The following CNTNAP5 variants were observed in gnomAD, a reference collection of about 807,000 sequenced individuals.
CNTNAP5 encodes the protein contactin-associated protein-like 5.
Under a neutral mutation model 150.2 loss-of-function variants are expected in CNTNAP5, and 72 were observed. The ratio of observed to expected loss-of-function variants is 0.48; its 90% CI spans 0.40 to 0.58. The LOEUF is 0.58. Among genes scored for constraint, CNTNAP5 ranks in the 20% least tolerant of loss-of-function variants. CNTNAP5 has a pLI of 0.00. For synonymous variants in CNTNAP5, 672 were observed against 619.8 expected, an observed-to-expected ratio of 1.08 and a Z score of -1.25; for missense variants, 1,636 against 1,626.2, an observed-to-expected ratio of 1.01 and a Z score of -0.10.
At chr2:124,095,223 T>C (rs1016553177) in intron 1 of CNTNAP5, among the ~76,000 whole-genome samples, 3 of 152,082 alleles carry the variant, frequency 2.0e-5, no homozygotes, top group East Asian at 3.9e-4. Context: ...AAACCATCCT[T>C]CTCAGCAAAC....
At chr2:124,814,151 G>T (rs1193447899) in intron 19 of CNTNAP5, among the ~76,000 whole-genome samples, 1 of 149,390 alleles carries the variant, frequency 6.7e-6, no homozygotes, top group Non-Finnish European at 1.5e-5. Context: ...TATACTCTCT[G>T]TCTATATTAA....
chr2:124,637,117 A>T (rs1348572105), intron 12 of CNTNAP5, among the ~76,000 whole-genome samples: 1 of 152,212 alleles, frequency 6.6e-6, no homozygotes, highest in Non-Finnish European at 1.5e-5. Flanking sequence ...TAGTCCATGC[A>T]CCAAGAATCC....
At chr2:124,722,015 G>A (rs1045623572) in intron 13 of CNTNAP5, among the ~76,000 whole-genome samples, 1 of 151,810 alleles carries the variant, frequency 6.6e-6, no homozygotes, top group African/African-American at 2.4e-5. Context: ...GGCCTTATAA[G>A]GACACCAGTC....
Position 124,858,671 on chromosome 2 carries a change from C to T in CNTNAP5, c.3218-6635C>T, listed in dbSNP as rs191849378. On this transcript the variant is annotated intron_variant, in intron 19 of 23. Coordinates refer to ENST00000682447, the MANE Select transcript of CNTNAP5 (RefSeq NM_001367498.1). The stretch of plus-strand genomic sequence containing the variant: ...GTTATAAGTTAGTATTTGCAAGCCT[C>T]ATGGAAACATTGAGTCAAAAAGCAT... Among the ~76,000 whole-genome samples, 350 of 152,226 alleles carry T rather than the reference C, an allele frequency of 2.3e-3. 2 individuals are homozygous for T. The highest frequency in any genetic ancestry group is 8.0e-3 in the African/African-American group (331 of 41,528).
At chr2:124,224,575 G>C (rs1686410677) in intron 2 of CNTNAP5, among the ~76,000 whole-genome samples, 1 of 151,738 alleles carries the variant, frequency 6.6e-6, no homozygotes, top group Admixed American at 6.6e-5. Flanking sequence ...TATACAAAGA[G>C]GTGGATATAT....
chr2:124,684,709 T>C (rs566228694), intron 13 of CNTNAP5, among the ~76,000 whole-genome samples: 1 of 152,314 alleles, frequency 6.6e-6, no homozygotes, highest in African/African-American at 2.4e-5. Flanking sequence ...GCAATACTCA[T>C]CATAGATAGC....
At chr2:124,474,943 T>A in intron 7 of CNTNAP5, 61 bp downstream of exon 7, 1 of 1,445,204 alleles carries the variant, frequency 6.9e-7, no homozygotes, top group Non-Finnish European at 9.4e-7. Flanking sequence ...AGTCTTGCTT[T>A]CACCAGCCCA....
At chr2:124,597,562 G>A (rs1696858314) in intron 11 of CNTNAP5, among the ~76,000 whole-genome samples, 2 of 151,054 alleles carry the variant, frequency 1.3e-5, no homozygotes, top group Non-Finnish European at 1.5e-5. Flanking sequence ...CTTTTTCTCT[G>A]GCTGCCCTTA....
chr2:124,054,836 C>G (rs1172914301), intron 1 of CNTNAP5, among the ~76,000 whole-genome samples: 1 of 152,198 alleles, frequency 6.6e-6, no homozygotes, highest in African/African-American at 2.4e-5. Context: ...CCTGCAACAG[C>G]CCTAGAACTT....
chr2:124,102,505 T>C (rs1358905780), intron 1 of CNTNAP5, among the ~76,000 whole-genome samples: 2 of 152,162 alleles, frequency 1.3e-5, no homozygotes, highest in Non-Finnish European at 2.9e-5. Flanking sequence ...TCAATCTCTT[T>C]GGAGCTCAGT....
At chr2:124,182,093 G>T (rs1685222101) in intron 1 of CNTNAP5, among the ~76,000 whole-genome samples, 1 of 152,074 alleles carries the variant, frequency 6.6e-6, no homozygotes, top group Non-Finnish European at 1.5e-5. Flanking sequence ...TAAGAAAAGT[G>T]GCTTTAATAC....
intron 3 of CNTNAP5, among the ~76,000 whole-genome samples, chr2:124,331,011 G>A (rs1689336951): frequency 6.6e-6 from 1 of 151,952 alleles, no homozygotes; most frequent in Non-Finnish European, 1.5e-5. Flanking sequence ...CATTAGTTTT[G>A]GAAATTCTTA....
chr2:124,801,550 A>G (rs1681967264), intron 19 of CNTNAP5, among the ~76,000 whole-genome samples: 1 of 152,202 alleles, frequency 6.6e-6, no homozygotes, highest in Admixed American at 6.5e-5. Flanking sequence ...AGTAGATGAG[A>G]GGAAAAAATA....
chr2:124,559,591 C>T (rs1325048108), intron 10 of CNTNAP5, among the ~76,000 whole-genome samples: 1 of 152,134 alleles, frequency 6.6e-6, no homozygotes, highest in Non-Finnish European at 1.5e-5. Context: ...GGATTAAGAG[C>T]CTTACACCTA....
intron 11 of CNTNAP5, among the ~76,000 whole-genome samples, chr2:124,565,103 C>A (rs181696066): frequency 5.9e-5 from 9 of 152,246 alleles, no homozygotes; most frequent in Admixed American, 3.9e-4. Context: ...GACCTCTCAG[C>A]CATTCCTTAG....
chr2:124,693,836 A>G (rs1468111628), intron 13 of CNTNAP5, among the ~76,000 whole-genome samples: 1 of 143,762 alleles, frequency 7.0e-6, no homozygotes, highest in Non-Finnish European at 1.5e-5. Flanking sequence ...GCAAAAAAAA[A>G]AGGCAAAAAA....
chr2:124,504,234 C>G, intron 7 of CNTNAP5, 58 bp from the exon 8 acceptor site: 2 of 1,544,636 alleles, frequency 1.3e-6, no homozygotes, highest in Non-Finnish European at 1.8e-6. Context: ...TTTATATCAG[C>G]TGTCAGATTG....
At chr2:124,116,210 T>C (rs1015504726) in intron 1 of CNTNAP5, among the ~76,000 whole-genome samples, 12 of 152,162 alleles carry the variant, frequency 7.9e-5, no homozygotes, top group East Asian at 1.9e-4. Flanking sequence ...GCTGAGGTTG[T>C]GGTCCCTCCC....
chr2:124,234,275 A>G (rs1686693824), intron 2 of CNTNAP5, among the ~76,000 whole-genome samples: 1 of 152,174 alleles, frequency 6.6e-6, no homozygotes, highest in Admixed American at 6.6e-5. Context: ...TGATTTGCCA[A>G]GTTAAAATTG....
Sources: gnomAD v4.1 joint callset for allele counts (sites outside exome capture counted in the v4.1 genomes callset) on GRCh38, gnomAD v4.1.1 for gene constraint, MANE v1.5 for transcripts, NCBI Gene and HGNC (gene_info 2026-07-23, HGNC 2026-07-21) for gene names.